The following FOXN3 variants were observed in gnomAD, a reference collection of about 807,000 sequenced individuals.
FOXN3 encodes the protein forkhead box protein N3.
A neutral mutation model predicts 38.4 loss-of-function variants in FOXN3; 7 were observed. The ratio of observed to expected loss-of-function variants is 0.18; its 90% CI spans 0.10 to 0.34. The LOEUF (loss-of-function observed/expected upper bound fraction) is 0.34, where lower values mean the gene tolerates loss of function less well. FOXN3 is among the 10% of genes least tolerant of loss of function. The probability of loss-of-function intolerance (pLI) is 1.00; values close to 1 mark genes in which losing one functional copy is unlikely to be tolerated. For synonymous variants in FOXN3, 230 were observed against 242.2 expected, an observed-to-expected ratio of 0.95 and a Z score of 0.47; for missense variants, 456 against 613.4, an observed-to-expected ratio of 0.74 and a Z score of 2.71.
At chr14:89,204,089 ACACACACACAC>A (rs1263551216) in intron 4 of FOXN3, among the ~76,000 whole-genome samples, 1 of 145,890 alleles carries the variant, frequency 6.9e-6, no homozygotes, top group Admixed American at 6.8e-5. Flanking sequence ...ACACACACAC[ACACACACACAC>A]ACAACTACTA....
In FOXN3 at chr14:89,484,526, C is replaced by A. The variant is rs188352636; in HGVS notation, c.-14-72036G>T. 2.5e-3 allele frequency among the ~76,000 whole-genome samples: 376 copies of A among 152,292 alleles called. 3 individuals carry two copies. Among genetic ancestry groups the A allele is most frequent in the African/African-American group, 8.5e-3 (353 of 41,546 alleles). On this transcript the variant is annotated intron_variant, in intron 1 of 6. Coordinates refer to the FOXN3 transcript ENST00000345097. The surrounding 1 kb of genome is among the most constrained non-coding windows in gnomAD (Gnocchi z 4.0). ...TCCCAACCACTGAAAAATGTGAAAA[C>A]CATTCTTAGTACATTGGCGATGCAC...
chr14:89,433,480 TCAAA>T (rs763688770), intron 1 of FOXN3, among the ~76,000 whole-genome samples: 11 of 151,502 alleles, frequency 7.3e-5, no homozygotes, highest in Non-Finnish European at 1.2e-4. Flanking sequence ...AGACTCCATC[TCAAA>T]CAAACAAACA....
At chr14:89,308,322 T>C (rs1954556320) in intron 3 of FOXN3, among the ~76,000 whole-genome samples, 1 of 152,248 alleles carries the variant, frequency 6.6e-6, no homozygotes, top group African/African-American at 2.4e-5. Flanking sequence ...TGTATATTTC[T>C]GTCCCTAATC....
At chr14:89,365,992 C>G (rs1187154197) in intron 2 of FOXN3, among the ~76,000 whole-genome samples, 1 of 152,172 alleles carries the variant, frequency 6.6e-6, no homozygotes, top group African/African-American at 2.4e-5. Context: ...TGGCTCACGA[C>G]TGTAATCCCA....
At chr14:89,616,521 A>ACCCCCCCCCCCCCCCCCCCCCCCCCCC (rs1161046760) in intron 1 of FOXN3, among the ~76,000 whole-genome samples, 1 of 137,892 alleles carries the variant, frequency 7.3e-6, no homozygotes, top group Non-Finnish European at 1.5e-5. Context: ...TCACTCCCCA[A>ACCCCCCCCCCCCCCCCCCCCCCCCCCC]CCCCACCCCC....
intron 1 of FOXN3, among the ~76,000 whole-genome samples, chr14:89,592,834 C>T (rs1178022251): frequency 6.6e-6 from 1 of 152,110 alleles, no homozygotes; most frequent in African/African-American, 2.4e-5. Context: ...AAAAATAAGT[C>T]CCTGCACAAA....
chr14:89,616,519 CA>C (rs1326816353), intron 1 of FOXN3, among the ~76,000 whole-genome samples: 18 of 148,698 alleles, frequency 1.2e-4, no homozygotes, highest in Non-Finnish European at 2.1e-4. Context: ...TTTCACTCCC[CA>C]ACCCCACCCC....
intron 4 of FOXN3, among the ~76,000 whole-genome samples, chr14:89,249,215 G>T (rs141129983): frequency 4.4e-4 from 67 of 152,276 alleles, no homozygotes; most frequent in Non-Finnish European, 4.1e-4. Flanking sequence ...AGAAATTCCT[G>T]CAGAGCTACA....
rs184131093 is a variant in FOXN3 at position 89,304,481 on chromosome 14, G to A, written c.681-23467C>T. Among the ~76,000 whole-genome samples the A allele has an allele frequency of 1.3e-4, 20 of 152,260 alleles. 1 individual carries two copies. The highest frequency in any genetic ancestry group is 4.8e-4 in the African/African-American group (20 of 41,566). On this transcript the variant is annotated intron_variant, in intron 3 of 5. Coordinates refer to ENST00000557258, the MANE Select transcript of FOXN3 (RefSeq NM_005197.4). ...GAGGCGGCAAAGATCATATAGAAAA[G>A]AGAACTTAGACAACAGGGGGTGCTT...
chr14:89,392,445 G>C (rs1030349747), intron 2 of FOXN3, among the ~76,000 whole-genome samples: 1 of 152,126 alleles, frequency 6.6e-6, no homozygotes, highest in Non-Finnish European at 1.5e-5. Context: ...TCACTGTTCG[G>C]GAGGCTTGAA....
At chr14:89,462,488 A>T (rs1217735854) in intron 1 of FOXN3, among the ~76,000 whole-genome samples, 2 of 152,046 alleles carry the variant, frequency 1.3e-5, no homozygotes, top group East Asian at 3.9e-4. Context: ...CTGAAACTGA[A>T]TCATTTATAA....
At chr14:89,346,137 A>G (rs1271723166) in intron 3 of FOXN3, among the ~76,000 whole-genome samples, 1 of 152,218 alleles carries the variant, frequency 6.6e-6, no homozygotes, top group Non-Finnish European at 1.5e-5. Flanking sequence ...ATGGCTGAGT[A>G]GTATTCCATG....
At chr14:89,192,764 T>C (rs1246409404) in intron 4 of FOXN3, among the ~76,000 whole-genome samples, 1 of 146,826 alleles carries the variant, frequency 6.8e-6, no homozygotes, top group African/African-American at 2.5e-5. Context: ...TAATAGTTTA[T>C]ATATTATTAG....
chr14:89,497,145 G>A (rs1246394546), intron 1 of FOXN3, among the ~76,000 whole-genome samples: 2 of 151,834 alleles, frequency 1.3e-5, no homozygotes, highest in Non-Finnish European at 2.9e-5. Context: ...TAGTGGAGAT[G>A]GGGTTTCGCC....
chr14:89,193,294 C>T (rs977936739), intron 4 of FOXN3, among the ~76,000 whole-genome samples: 3 of 151,192 alleles, frequency 2.0e-5, no homozygotes. Flanking sequence ...ATTTATATGG[C>T]CAGAAAATTA....
At chr14:89,220,696 A>C (rs1884435914) in intron 4 of FOXN3, among the ~76,000 whole-genome samples, 1 of 152,150 alleles carries the variant, frequency 6.6e-6, no homozygotes, top group African/African-American at 2.4e-5. Flanking sequence ...GTCCCCCAGC[A>C]TCTCTCTGGG....
intron 4 of FOXN3, among the ~76,000 whole-genome samples, chr14:89,238,269 G>A (rs1050927960): frequency 2.0e-5 from 3 of 152,078 alleles, no homozygotes; most frequent in Middle Eastern, 3.2e-3. Context: ...GTGTTTACCC[G>A]GTCCCTACAG....
chr14:89,411,829 C>A (rs1428253371), intron 2 of FOXN3, 105 bp downstream of exon 2: 1 of 693,978 alleles, frequency 1.4e-6, no homozygotes, highest in Admixed American at 3.7e-5. Flanking sequence ...AACCCACTTA[C>A]AACTGCTACT....
chr14:89,506,262 T>A (rs1261115427), intron 1 of FOXN3, among the ~76,000 whole-genome samples: 7 of 45,216 alleles, frequency 1.5e-4, no homozygotes, highest in Non-Finnish European at 1.7e-4. Context: ...AGCCGCCCCG[T>A]CCGGGAGGGA....
Sources: allele counts gnomAD v4.1 joint callset (sites outside exome capture counted in the v4.1 genomes callset), GRCh38; gene constraint gnomAD v4.1.1; non-coding constraint Gnocchi (gnomAD v3.1); transcripts MANE v1.5; gene names NCBI Gene and HGNC (gene_info 2026-07-23, HGNC 2026-07-21).